The following NKAIN2 variants were observed in gnomAD, a reference collection of about 807,000 sequenced individuals.
NKAIN2 encodes sodium/potassium-transporting ATPase subunit beta-1-interacting protein 2.
NKAIN2 carries 14 observed loss-of-function variants against 32.6 expected under a neutral mutation model. That is an observed-to-expected ratio of 0.43 (90% CI 0.28 to 0.67). The LOEUF (loss-of-function observed/expected upper bound fraction) is 0.67. Among genes scored for constraint, NKAIN2 ranks in the 30% least tolerant of loss-of-function variants. NKAIN2 has a pLI of 0.17. For missense variants in NKAIN2, 198 were observed against 258.3 expected (o/e 0.77, Z 1.60); for synonymous variants, 80 against 87.2 (o/e 0.92, Z 0.46).
At chr6:124,771,138 T>C (rs1341248398) in intron 4 of NKAIN2, among the ~76,000 whole-genome samples, 1 of 152,162 alleles carries the variant, frequency 6.6e-6, no homozygotes, top group Non-Finnish European at 1.5e-5. Flanking sequence ...CTAACATAAA[T>C]AGGTGTATTG....
At chr6:124,158,077 A>C (rs1788077355) in intron 1 of NKAIN2, among the ~76,000 whole-genome samples, 1 of 152,224 alleles carries the variant, frequency 6.6e-6, no homozygotes, top group Admixed American at 6.5e-5. Flanking sequence ...GGACTGCCAT[A>C]ATAAAATACT....
chr6:124,539,392 T>C (rs1424090784), intron 3 of NKAIN2, among the ~76,000 whole-genome samples: 1 of 152,122 alleles, frequency 6.6e-6, no homozygotes, highest in African/African-American at 2.4e-5. Context: ...TTTTTTTTCA[T>C]TCAGTCATTT....
At chr6:124,082,378 C>A (rs192045109) in intron 1 of NKAIN2, among the ~76,000 whole-genome samples, 1 of 152,002 alleles carries the variant, frequency 6.6e-6, no homozygotes, top group East Asian at 1.9e-4. Flanking sequence ...TTCTTTAATT[C>A]TGAAGTCATT....
chr6:124,347,462 T>G (rs1798486345), intron 2 of NKAIN2, among the ~76,000 whole-genome samples: 1 of 152,336 alleles, frequency 6.6e-6, no homozygotes, highest in South Asian at 2.1e-4. Context: ...CCCGTCAGTT[T>G]CAGGTACACC....
intron 1 of NKAIN2, among the ~76,000 whole-genome samples, chr6:123,922,762 T>C (rs73773016): frequency 0.012 from 1,818 of 152,254 alleles, 37 homozygotes; most frequent in African/African-American, 0.042. Context: ...TGTATATGTA[T>C]TGGATATAAG....
rs150364440 is a variant in NKAIN2 at position 124,106,968 on chromosome 6, G to A, written c.55-176037G>A. 1.6e-3 allele frequency among the ~76,000 whole-genome samples: 245 copies of A among 152,302 alleles called. 1 individual carries two copies. The highest frequency in any genetic ancestry group is 5.7e-3 in the African/African-American group (236 of 41,568). On this transcript the variant is annotated intron_variant, in intron 1 of 6. Coordinates refer to ENST00000368417, the MANE Select transcript of NKAIN2 (RefSeq NM_001040214.3). ...GATAGGCACTGTATACCATATTGGTGATAGGCACTATTAATAAAACGAATG... is the reference window on the plus strand; with the variant it reads ...GATAGGCACTGTATACCATATTGGTAATAGGCACTATTAATAAAACGAATG...
At chr6:124,626,091 C>G (rs1171714476) in intron 3 of NKAIN2, among the ~76,000 whole-genome samples, 1 of 93,544 alleles carries the variant, frequency 1.1e-5, no homozygotes, top group Non-Finnish European at 2.2e-5. Flanking sequence ...TATCCCTCCC[C>G]ACTCCCCACA....
At chr6:124,533,722 A>T (rs1309301857) in intron 3 of NKAIN2, among the ~76,000 whole-genome samples, 1 of 152,194 alleles carries the variant, frequency 6.6e-6, no homozygotes, top group Non-Finnish European at 1.5e-5. Context: ...TTGTCTAGGT[A>T]TGCTTAGGCT....
chr6:124,109,982 G>A (rs1295944700), intron 1 of NKAIN2, among the ~76,000 whole-genome samples: 1 of 143,598 alleles, frequency 7.0e-6, no homozygotes, highest in Admixed American at 7.2e-5. Context: ...CCTTTAATGG[G>A]CTGTGGGATT....
chr6:124,715,374 G>C (rs546336579), intron 4 of NKAIN2, among the ~76,000 whole-genome samples: 1 of 152,088 alleles, frequency 6.6e-6, no homozygotes, highest in Non-Finnish European at 1.5e-5. Context: ...CATTGTTCAC[G>C]CGTCTTCTGA....
chr6:124,150,117 C>T (rs146929531), intron 1 of NKAIN2, among the ~76,000 whole-genome samples: 1,846 of 152,222 alleles, frequency 0.012, 34 homozygotes, highest in African/African-American at 0.043. Flanking sequence ...TATTCTCCCC[C>T]CTGGGCTCTG....
chr6:124,005,757 A>G (rs528137469), intron 1 of NKAIN2, among the ~76,000 whole-genome samples: 7 of 152,286 alleles, frequency 4.6e-5, no homozygotes, highest in South Asian at 4.1e-4. Flanking sequence ...ACAGTCTGGT[A>G]TGGTTATATC....
intron 1 of NKAIN2, among the ~76,000 whole-genome samples, chr6:123,983,204 C>G (rs1778981340): frequency 6.6e-6 from 1 of 152,150 alleles, no homozygotes; most frequent in Non-Finnish European, 1.5e-5. Context: ...TTGGAAATAC[C>G]TGTGGGACTT....
At chr6:124,354,835 T>C (rs1218637724) in intron 2 of NKAIN2, among the ~76,000 whole-genome samples, 5 of 125,394 alleles carry the variant, frequency 4.0e-5, no homozygotes, top group African/African-American at 1.6e-4. Context: ...TATGAGTCCA[T>C]AACAGTAAGA....
intron 2 of NKAIN2, among the ~76,000 whole-genome samples, chr6:124,353,435 G>C (rs752669625): frequency 4.6e-5 from 7 of 152,178 alleles, no homozygotes; most frequent in African/African-American, 1.7e-4. Context: ...GAAAGTAAAA[G>C]TATTCAAGAA....
At chr6:124,539,593 T>G (rs1160737721) in intron 3 of NKAIN2, among the ~76,000 whole-genome samples, 2 of 152,216 alleles carry the variant, frequency 1.3e-5, no homozygotes, top group Non-Finnish European at 2.9e-5. Context: ...AAGAAGAATT[T>G]TATTACATTT....
intron 1 of NKAIN2, among the ~76,000 whole-genome samples, chr6:123,831,729 C>T (rs1203071610): frequency 1.3e-5 from 2 of 149,896 alleles, no homozygotes; most frequent in African/African-American, 4.9e-5. Flanking sequence ...GATCTTGGCT[C>T]ACTGCAAGCT....
At chr6:124,241,771 T>C (rs1303739719) in intron 1 of NKAIN2, among the ~76,000 whole-genome samples, 1 of 152,150 alleles carries the variant, frequency 6.6e-6, no homozygotes, top group Non-Finnish European at 1.5e-5. Flanking sequence ...ATCCCTCCAC[T>C]GTTAGACCCT....
At chr6:124,565,094 C>T (rs777127691) in intron 3 of NKAIN2, among the ~76,000 whole-genome samples, 4 of 151,988 alleles carry the variant, frequency 2.6e-5, no homozygotes, top group Non-Finnish European at 4.4e-5. Flanking sequence ...GGGGAGGTGG[C>T]GGTGAGGGGA....
Sources: allele counts gnomAD v4.1 joint callset (sites outside exome capture counted in the v4.1 genomes callset), GRCh38; gene constraint gnomAD v4.1.1; transcripts MANE v1.5; gene names NCBI Gene and HGNC (gene_info 2026-07-23, HGNC 2026-07-21).